DYRK3: variants seen among roughly 807,000 people sequenced by gnomAD.
DYRK3 encodes dual specificity tyrosine phosphorylation regulated kinase 3.
A neutral mutation model predicts 40.8 loss-of-function variants in DYRK3; 30 were observed. The ratio of observed to expected loss-of-function variants is 0.74; its 90% CI spans 0.55 to 1.00. The LOEUF (loss-of-function observed/expected upper bound fraction) is 1.00. Ranked by LOEUF, DYRK3 falls within the 50% of genes least tolerant of loss-of-function variation. The probability of loss-of-function intolerance (pLI) is 0.00; values close to 1 mark genes in which losing one functional copy is unlikely to be tolerated. For synonymous variants in DYRK3, 272 were observed against 260.7 expected (o/e 1.04, Z -0.42); for missense variants, 699 against 731.5 (o/e 0.96, Z 0.51).
intron 1 of DYRK3, among the ~76,000 whole-genome samples, chr1:206,636,690 G>T (rs1253583234): frequency 6.6e-6 from 1 of 152,090 alleles, no homozygotes; most frequent in Non-Finnish European, 1.5e-5. Context: ...TTTAAAAGAC[G>T]TTAAAAAATT....
intron 2 of DYRK3, among the ~76,000 whole-genome samples, chr1:206,643,357 G>A (rs1406474173): frequency 6.6e-6 from 1 of 152,178 alleles, no homozygotes; most frequent in African/African-American, 2.4e-5. Flanking sequence ...TATTGTAATA[G>A]TTCTATGGAA....
Position 206,648,627 on chromosome 1 carries a change from C to T in DYRK3, c.1429C>T (p.Pro477Ser), listed in dbSNP as rs1253469336. 7 of 1,613,448 alleles carry T rather than the reference C, an allele frequency of 4.3e-6. No homozygotes were observed. The African/African-American group carries it at 6.7e-5, about 15-fold the overall frequency. Residue 477 changes from proline (P) to serine (S), a missense_variant, in exon 3 of 3, where the codon CCC becomes TCC. Pro to Ser is a moderately conservative substitution (Grantham distance 74, BLOSUM62 -1). Coordinates refer to ENST00000367109, the MANE Select transcript of DYRK3 (RefSeq NM_003582.4). The stretch of plus-strand genomic sequence containing the variant: ...CTCACGTAGGGGTAAAAAGCGGGGT[C>T]CCCCAGGCAGCAAAGACTGGGGGAC... ...GRSRRGKKRG[P>S]PGSKDWGTAL...
rs782305912 is a variant in DYRK3, at chr1:206,647,972, G to A, written c.774G>A (p.Glu258=). The change falls in exon 3 of 3, where the codon GAG becomes GAA. Residue 258 remains glutamate (E), a synonymous_variant. Transcript: ENST00000367109. ...CAGCTGAGGAGATCCGGATTTTGGA[G>A]CATCTTAAGAAACAGGATAAAACTG... The part of the protein sequence containing the change: ...RQAAEEIRIL[E]HLKKQDKTGS... The A allele has an allele frequency of 3.7e-6, 6 of 1,614,000 alleles. No individual in the cohort carries two copies. Among genetic ancestry groups the A allele is most frequent in the Middle Eastern group, 3.3e-4 (2 of 6,084 alleles).
At chr1:206,637,105 C>G in intron 1 of DYRK3, 1 of 635,114 alleles carries the variant, frequency 1.6e-6, no homozygotes, top group South Asian at 1.9e-5. Flanking sequence ...TTAAAAAGGC[C>G]TTTTATTTCT....
chr1:206,640,576 A>C (rs1484641670), intron 2 of DYRK3, among the ~76,000 whole-genome samples: 1 of 136,838 alleles, frequency 7.3e-6, no homozygotes, highest in Admixed American at 7.7e-5. Context: ...TTTAAGACAG[A>C]GTCTCGCTCT....
At chr1:206,638,921 C>A (rs1189052588) in intron 2 of DYRK3, among the ~76,000 whole-genome samples, 1 of 141,724 alleles carries the variant, frequency 7.1e-6, no homozygotes, top group Admixed American at 7.3e-5. Context: ...ACTCTGTCTT[C>A]CAGGCTGGAG....
rs1184052504 is a variant in DYRK3 at position 206,651,512 on chromosome 1, G to A, written c.*2547G>A. 6.6e-6 allele frequency among the ~76,000 whole-genome samples: 1 copy of A among 152,164 alleles called. No individual in the cohort carries two copies. The highest frequency in any genetic ancestry group is 6.5e-5 in the Admixed American group (1 of 15,276). ...TCCTTCTTCAGTGAATCTTTTCATT[G>A]TAACTTAGGGTGTAAAAGCTCATAT... On this transcript the variant is annotated 3_prime_UTR_variant, in exon 3 of 3. Transcript: ENST00000367109.
At chr1:206,647,285 TA>T in intron 2 of DYRK3, 102 bp from the exon 3 acceptor site, 1 of 1,203,892 alleles carries the variant, frequency 8.3e-7, no homozygotes, top group Non-Finnish European at 1.2e-6. Flanking sequence ...AACCTTAAAG[TA>T]AACATGACTG....
At position 206,647,863 on chromosome 1, in the gene DYRK3, A is replaced by G. The variant is rs201017306; in HGVS notation, c.665A>G (p.Gln222Arg). 6.2e-7 allele frequency: 1 copy of G among 1,614,122 alleles called. No homozygotes were observed. Among genetic ancestry groups the G allele is most frequent in the African/African-American group, 1.3e-5 (1 of 75,020 alleles). Reference protein sequence around the residue: ...LKIIGKGSFGQVARVYDHKLR... With the variant: ...LKIIGKGSFGRVARVYDHKLR... The stretch of plus-strand genomic sequence containing the variant: ...ATTATTGGCAAGGGGAGTTTTGGGC[A>G]GGTGGCCAGGGTCTATGATCACAAA... Residue 222 changes from glutamine (Q) to arginine (R), a missense_variant, in exon 3 of 3, where the codon CAG becomes CGG. Coordinates refer to ENST00000367109, the MANE Select transcript of DYRK3 (RefSeq NM_003582.4).
intron 2 of DYRK3, among the ~76,000 whole-genome samples, chr1:206,639,951 T>TTC (rs1558555580): frequency 6.7e-6 from 1 of 148,160 alleles, no homozygotes; most frequent in African/African-American, 2.5e-5. Flanking sequence ...TTTTTTTTTT[T>TTC]TGAGACCGAG....
At chr1:206,644,358 T>G (rs1671389614) in intron 2 of DYRK3, among the ~76,000 whole-genome samples, 1 of 151,906 alleles carries the variant, frequency 6.6e-6, no homozygotes, top group Non-Finnish European at 1.5e-5. Context: ...TTAAGTAGTG[T>G]AGCCAGGACC....
At position 206,651,930 on chromosome 1, in the gene DYRK3, T is replaced by G. The variant is rs1222251805; in HGVS notation, c.*2965T>G. On this transcript the variant is annotated 3_prime_UTR_variant, in exon 3 of 3. Transcript: ENST00000367109. ...CAAGGCACATGTTTCCTTGGGATGTTTGGACAGAATGATCTGGCTTGATGT... is the reference window on the plus strand; with the variant it reads ...CAAGGCACATGTTTCCTTGGGATGTGTGGACAGAATGATCTGGCTTGATGT... Among the ~76,000 whole-genome samples the G allele has an allele frequency of 1.3e-5, 2 of 152,226 alleles. No individual in the cohort carries two copies. The highest frequency in any genetic ancestry group is 2.9e-5 in the Non-Finnish European group (2 of 68,036).
In DYRK3 at chr1:206,641,232, A is replaced by T. The variant is rs562629875; in HGVS notation, c.189+3471A>T. On this transcript the variant is annotated intron_variant, in intron 2 of 2. Transcript: ENST00000367109. The stretch of plus-strand genomic sequence containing the variant: ...GTAGTCTTTTACCTCTCACTCCTCT[A>T]CCACCCTATCCCCCAAGTCCCCAAA... Among the ~76,000 whole-genome samples the T allele has an allele frequency of 2.6e-5, 4 of 152,110 alleles. No homozygotes were observed. In the South Asian group the frequency reaches 8.3e-4, roughly 32 times the overall value.
At position 206,654,551 on chromosome 1, in the gene DYRK3, A is replaced by G. The variant is rs564177926; in HGVS notation, c.*5586A>G. Among the ~76,000 whole-genome samples the G allele has an allele frequency of 1.6e-3, 243 of 152,270 alleles. 5 individuals carry two copies. The highest frequency in any genetic ancestry group is 5.6e-3 in the African/African-American group (232 of 41,548). On this transcript the variant is annotated 3_prime_UTR_variant, in exon 3 of 3. Transcript: ENST00000367109. ...TTAACATACTCCATTTTCACCTTCA[A>G]CCTATCCTTCCTGAAGCCCAAACTT...
At chr1:206,646,288 ATTTTAC>A (rs1553420105) in intron 2 of DYRK3, among the ~76,000 whole-genome samples, 1 of 152,156 alleles carries the variant, frequency 6.6e-6, no homozygotes, top group Non-Finnish European at 1.5e-5. Flanking sequence ...ATTAATATTA[ATTTTAC>A]TTAGGTGTTT....
Position 206,647,660 on chromosome 1 carries a change from C to T in DYRK3, c.462C>T (p.Leu154=), listed in dbSNP as rs1671494731. 1.9e-6 allele frequency: 3 copies of T among 1,614,188 alleles called. No individual in the cohort carries two copies. The highest frequency in any genetic ancestry group is 1.6e-4 in the Middle Eastern group (1 of 6,062). Residue 154 remains leucine, a synonymous_variant, in exon 3 of 3, where the codon CTC becomes CTT. Coordinates refer to ENST00000367109, the MANE Select transcript of DYRK3 (RefSeq NM_003582.4). ...EQALKQYKHH[L]TAYEKLEIIN... ...CCCTGAAGCAATATAAACACCACCT[C>T]ACTGCCTATGAGAAACTGGAAATAA...
Position 206,652,004 on chromosome 1 carries a change from G to C in DYRK3, c.*3039G>C, listed in dbSNP as rs1166155197. On this transcript the variant is annotated 3_prime_UTR_variant, in exon 3 of 3. Coordinates refer to ENST00000367109, the MANE Select transcript of DYRK3 (RefSeq NM_003582.4). ...TCATAGAGTTGGTTAAATGTAGCCA[G>C]CAGCAGTGTCAAGACAGCTGACACT... is the stretch of plus-strand genomic sequence containing the variant. Among the ~76,000 whole-genome samples, 3 of 152,196 alleles carry C rather than the reference G, an allele frequency of 2.0e-5. No homozygotes were observed. Among genetic ancestry groups the C allele is most frequent in the African/African-American group, 7.2e-5 (3 of 41,456 alleles).
Position 206,652,539 on chromosome 1 carries a change from T to G in DYRK3, c.*3574T>G, listed in dbSNP as rs1324510639. Among the ~76,000 whole-genome samples the G allele has an allele frequency of 6.6e-6, 1 of 152,224 alleles. No individual in the cohort carries two copies. The highest frequency in any genetic ancestry group is 1.5e-5 in the Non-Finnish European group (1 of 68,032). ...AAGCTACAGGAAGGCAAATGGATGT[T>G]TCTGCCTCAATTTGGCAACCGAGAG... On this transcript the variant is annotated 3_prime_UTR_variant, in exon 3 of 3. Transcript: ENST00000367109.
intron 1 of DYRK3, 177 bp downstream of exon 1, chr1:206,635,957 C>G (rs200227701): frequency 2.9e-5 from 38 of 1,331,132 alleles, no homozygotes; most frequent in Non-Finnish European, 3.7e-5. Context: ...CCCCCTCCCC[C>G]CATCCCTGTC....
Sources: allele counts gnomAD v4.1 joint callset (sites outside exome capture counted in the v4.1 genomes callset), GRCh38; gene constraint gnomAD v4.1.1; transcripts MANE v1.5; gene names NCBI Gene and HGNC (gene_info 2026-07-23, HGNC 2026-07-21).